The following KIF3A variants were observed in gnomAD, a reference collection of about 807,000 sequenced individuals.
KIF3A encodes kinesin-like protein KIF3A.
Under a neutral mutation model 92.6 loss-of-function variants are expected in KIF3A, and 27 were observed. That is an observed-to-expected ratio of 0.29 (90% confidence interval 0.21 to 0.40). The LOEUF is 0.40. Among genes scored for constraint, KIF3A ranks in the 10% least tolerant of loss-of-function variants. The pLI is 1.00. For synonymous variants in KIF3A, 250 were observed against 275.4 expected, an observed-to-expected ratio of 0.91 and a Z score of 0.92; for missense variants, 581 against 872.6, an observed-to-expected ratio of 0.67 and a Z score of 4.21.
In KIF3A at chr5:132,693,166, T is replaced by C. The variant is rs4705962; in HGVS notation, c.*3468A>G. 93,661 of 139,272 alleles carry C rather than the reference T, an allele frequency of 0.67. 30,690 individuals are homozygous for C. Among genetic ancestry groups the C allele is most frequent in the Non-Finnish European group, 0.77 (50,820 of 66,352 alleles). 8.6% of individuals were successfully genotyped at this position (139,272 alleles called of 1,614,324 possible). A position where few individuals can be genotyped will look rare whatever the true frequency, so the allele number is the denominator to read the frequency against. ...CCAATAAAACCTTAAATTTTTGCTG[T>C]AAAAAGAAAAAAAAAACAACTCCCT... On this transcript the variant is annotated 3_prime_UTR_variant, in exon 19 of 19. Transcript: ENST00000403231.
intron 10 of KIF3A, among the ~76,000 whole-genome samples, chr5:132,708,316 A>G (rs533728087): frequency 6.6e-6 from 1 of 151,284 alleles, no homozygotes; most frequent in Non-Finnish European, 1.5e-5. Flanking sequence ...AACTTTTCTT[A>G]AAATCTATCA....
intron 8 of KIF3A, among the ~76,000 whole-genome samples, chr5:132,713,665 T>C (rs933584431): frequency 5.9e-5 from 9 of 152,106 alleles, no homozygotes; most frequent in African/African-American, 1.9e-4. Flanking sequence ...CAGGTATTAG[T>C]ATACCCACGT....
intron 2 of KIF3A, among the ~76,000 whole-genome samples, chr5:132,732,509 G>A (rs13190398): frequency 5.9e-5 from 9 of 152,156 alleles, no homozygotes; most frequent in Non-Finnish European, 1.2e-4. Flanking sequence ...TAGTGCAATG[G>A]CTCACGCCTG....
At position 132,724,806 on chromosome 5, in the gene KIF3A, A is replaced by AAAAAATTAT. The variant is rs59476182; in HGVS notation, c.510+1321_510+1322insATAATTTTT. Among the ~76,000 whole-genome samples the AAAAAATTAT allele has an allele frequency of 2.5e-3, 56 of 22,688 alleles. 3 individuals are homozygous for AAAAAATTAT. The highest frequency in any genetic ancestry group is 0.019 in the East Asian group (11 of 580). 14.9% of individuals were successfully genotyped at this position (22,688 alleles called of 152,430 possible). A position where few individuals can be genotyped will look rare whatever the true frequency, so the allele number is the denominator to read the frequency against. ...TTAAAGTATAATAAAAAAAAAAAAA[A>AAAAAATTAT]ATATATATATATATATATATATATA... On this transcript the variant is annotated intron_variant, in intron 4 of 18. Coordinates refer to ENST00000403231, the MANE Select transcript of KIF3A (RefSeq NM_001300791.2).
At chr5:132,719,812 C>T (rs11242127) in intron 5 of KIF3A, among the ~76,000 whole-genome samples, 85,768 of 151,968 alleles carry the variant, frequency 0.56, 26,872 homozygotes, top group Non-Finnish European at 0.73. Context: ...TTGCTATTAG[C>T]TGCATCACCA....
chr5:132,708,746 A>T (rs1429252671), intron 10 of KIF3A, among the ~76,000 whole-genome samples, 161 bp downstream of exon 10: 1 of 152,222 alleles, frequency 6.6e-6, no homozygotes, highest in African/African-American at 2.4e-5. Flanking sequence ...ACTGGAAGCA[A>T]TGAAAGGGGG....
At chr5:132,725,035 A>T (rs1026229047) in intron 4 of KIF3A, among the ~76,000 whole-genome samples, 4 of 151,270 alleles carry the variant, frequency 2.6e-5, no homozygotes, top group Non-Finnish European at 5.9e-5. Context: ...GGTCTAACAG[A>T]GTTGAGAACC....
intron 1 of KIF3A, chr5:132,736,897 AC>A (rs768790945): frequency 2.6e-4 from 89 of 347,674 alleles, no homozygotes; most frequent in Middle Eastern, 4.4e-4. Context: ...ACACAAAGAC[AC>A]CTACGGGTTT....
chr5:132,699,798 G>A (rs961864465), intron 17 of KIF3A, among the ~76,000 whole-genome samples: 6 of 151,840 alleles, frequency 4.0e-5, no homozygotes, highest in Admixed American at 6.6e-5. Flanking sequence ...TCCTGACCTC[G>A]TGATCCACCC....
Position 132,720,731 on chromosome 5 carries a change from ACT to A in KIF3A, c.511-19_511-18del. The A allele has an allele frequency of 1.5e-6, 2 of 1,365,830 alleles. No homozygotes were observed. The highest frequency in any genetic ancestry group is 3.6e-5 in the Admixed American group (2 of 56,002). 84.6% of individuals were successfully genotyped at this position (1,365,830 alleles called of 1,614,324 possible). A position where few individuals can be genotyped will look rare whatever the true frequency, so the allele number is the denominator to read the frequency against. On this transcript the variant is annotated intron_variant, in intron 4 of 18. Coordinates refer to ENST00000403231, the MANE Select transcript of KIF3A (RefSeq NM_001300791.2). ...TTCTTTAACCTAAAAAAAAATTAAG[ACT>A]TTATACTATATCAATAACTCTTCCA...
intron 2 of KIF3A, among the ~76,000 whole-genome samples, chr5:132,732,413 A>C (rs982801252): frequency 4.6e-5 from 7 of 152,250 alleles, no homozygotes; most frequent in Non-Finnish European, 1.0e-4. Context: ...GAAACAACAA[A>C]TGTTCACCAA....
At position 132,702,951 on chromosome 5, in the gene KIF3A, A is replaced by G; in HGVS notation, c.1581T>C (p.Ser527=). Residue 527 remains serine, a synonymous_variant, in exon 13 of 19, where the codon TCT becomes TCC. Transcript: ENST00000403231. ...AEEQEKLLEE[S]NMELEERRKR... Reference sequence around the variant, plus strand: ...TCCTCCTTTCTTCCAGTTCCATGTTAGATTCTTCAAGAAGTTTCTCTTGTT... The same window carrying G: ...TCCTCCTTTCTTCCAGTTCCATGTTGGATTCTTCAAGAAGTTTCTCTTGTT... The G allele has an allele frequency of 6.2e-7, 1 of 1,613,510 alleles. No individual in the cohort carries two copies. The highest frequency in any genetic ancestry group is 1.3e-5 in the African/African-American group (1 of 75,006).
At chr5:132,726,623 C>A (rs1754042981) in intron 2 of KIF3A, 125 bp from the exon 3 acceptor site, 1 of 792,336 alleles carries the variant, frequency 1.3e-6, no homozygotes, top group Non-Finnish European at 2.0e-6. Context: ...TATTCTAGCA[C>A]AAGTTTCACC....
At chr5:132,735,493 AAGCATTGAAGAGAAACAAATATG>A (rs1754361248) in intron 1 of KIF3A, among the ~76,000 whole-genome samples, 1 of 152,238 alleles carries the variant, frequency 6.6e-6, no homozygotes, top group African/African-American at 2.4e-5. Context: ...ATTCTCTTCT[AAGCATTGAAGAGAAACAAATATG>A]AGTCATTGTC....
At chr5:132,736,121 A>G (rs2149926140) in intron 1 of KIF3A, among the ~76,000 whole-genome samples, 1 of 152,342 alleles carries the variant, frequency 6.6e-6, no homozygotes, top group East Asian at 1.9e-4. Flanking sequence ...CCCTTCCTGG[A>G]CACAAATTTT....
At chr5:132,706,375 T>C (rs1233284600) in intron 11 of KIF3A, 76 bp downstream of exon 11, 7 of 1,061,822 alleles carry the variant, frequency 6.6e-6, no homozygotes, top group Non-Finnish European at 9.1e-6. Flanking sequence ...TTTTAAAAAT[T>C]TAATGTATTT....
downstream of KIF3A, chr5:132,689,457 C>T (rs1374424202): frequency 6.6e-6 from 1 of 152,150 alleles, no homozygotes; most frequent in East Asian, 1.9e-4. Flanking sequence ...AAAAATAAGA[C>T]TATAAGCAGG....
Position 132,737,466 on chromosome 5 carries a change from C to A in KIF3A, c.-47G>T. The A allele has an allele frequency of 6.3e-7, 1 of 1,595,312 alleles. No individual in the cohort carries two copies. The highest frequency in any genetic ancestry group is 8.5e-7 in the Non-Finnish European group (1 of 1,171,622). ...GCGGACGTCCCCGCCCGGGGTGCAG[C>A]CCAGCGACACCGGGTGCGCAGAAAG... is the stretch of plus-strand genomic sequence containing the variant. On this transcript the variant is annotated 5_prime_UTR_variant, in exon 1 of 19. Coordinates refer to ENST00000403231, the MANE Select transcript of KIF3A (RefSeq NM_001300791.2).
At chr5:132,713,263 G>A (rs1291916973) in intron 8 of KIF3A, among the ~76,000 whole-genome samples, 1 of 152,130 alleles carries the variant, frequency 6.6e-6, no homozygotes, top group Non-Finnish European at 1.5e-5. Context: ...GGAAAAAGAG[G>A]CACTGGAAGG....
Sources: allele counts gnomAD v4.1 joint callset (sites outside exome capture counted in the v4.1 genomes callset), GRCh38; gene constraint gnomAD v4.1.1; transcripts MANE v1.5; gene names NCBI Gene and HGNC (gene_info 2026-07-23, HGNC 2026-07-21).